Variants in FHOD3 observed in about 807,000 individuals in gnomAD.
FHOD3 encodes the protein formin homology 2 domain containing 3, also known as FH1/FH2 domain-containing protein 3.
In FHOD3, 90 loss-of-function variants were observed where a neutral mutation model predicts 173.0. That is an observed-to-expected ratio of 0.52 (90% CI 0.44 to 0.62). The LOEUF (loss-of-function observed/expected upper bound fraction) is 0.62, where lower values mean the gene tolerates loss of function less well. FHOD3 is among the 20% of genes least tolerant of loss of function. The pLI, the probability that FHOD3 is intolerant of heterozygous loss-of-function variation, is 0.00. For synonymous variants in FHOD3, 828 were observed against 823.0 expected (o/e 1.01, Z -0.10); for missense variants, 1,945 against 2,034.7 (o/e 0.96, Z 0.85).
chr18:36,448,611 G>A (rs1424515601), intron 3 of FHOD3, among the ~76,000 whole-genome samples: 4 of 152,078 alleles, frequency 2.6e-5, no homozygotes, highest in Non-Finnish European at 5.9e-5. Flanking sequence ...TGTGAGGGAG[G>A]GTTTTGTTTG....
intron 5 of FHOD3, among the ~76,000 whole-genome samples, chr18:36,570,182 T>G (rs1387277594): frequency 6.6e-6 from 1 of 152,006 alleles, no homozygotes; most frequent in East Asian, 1.9e-4. Context: ...AGATATGCAT[T>G]GCTAACATTA....
At chr18:36,718,833 T>G in intron 19 of FHOD3, 118 bp downstream of exon 19, 1 of 1,480,946 alleles carries the variant, frequency 6.8e-7, no homozygotes, top group Non-Finnish European at 8.9e-7. Flanking sequence ...TCCATTGGTA[T>G]GAAAATTTGA....
chr18:36,524,472 G>C (rs2056422907), intron 5 of FHOD3, among the ~76,000 whole-genome samples: 2 of 152,144 alleles, frequency 1.3e-5, no homozygotes, highest in Admixed American at 1.3e-4. Context: ...CTGGAAGCCA[G>C]GAGGGCTCAC....
intron 3 of FHOD3, among the ~76,000 whole-genome samples, chr18:36,414,239 G>C (rs2049507143): frequency 6.6e-6 from 1 of 152,190 alleles, no homozygotes; most frequent in African/African-American, 2.4e-5. Flanking sequence ...CGTGACTTTA[G>C]CTGCTCCTCA....
intron 5 of FHOD3, among the ~76,000 whole-genome samples, chr18:36,575,057 G>A (rs1183829208): frequency 1.3e-5 from 2 of 151,026 alleles, no homozygotes; most frequent in East Asian, 1.9e-4. Context: ...TGCCACCTCC[G>A]CCTCCTGGGT....
intron 3 of FHOD3, among the ~76,000 whole-genome samples, chr18:36,391,106 G>T (rs1175417148): frequency 6.6e-6 from 1 of 152,230 alleles, no homozygotes; most frequent in African/African-American, 2.4e-5. Flanking sequence ...TTTTGCTGGA[G>T]CATCTCTTCA....
intron 27 of FHOD3, among the ~76,000 whole-genome samples, chr18:36,764,401 T>C (rs917437537): frequency 1.5e-4 from 23 of 152,134 alleles, no homozygotes; most frequent in Non-Finnish European, 2.4e-4. Context: ...TATGAGCTTG[T>C]CTTTGCCCAG....
At chr18:36,329,575 C>T (rs2044873454) in intron 1 of FHOD3, among the ~76,000 whole-genome samples, 1 of 152,040 alleles carries the variant, frequency 6.6e-6, no homozygotes, top group African/African-American at 2.4e-5. Context: ...CCCTCTCAGT[C>T]TGGGGGCTGC....
chr18:36,489,302 G>A (rs2054344926), intron 3 of FHOD3, among the ~76,000 whole-genome samples: 1 of 152,148 alleles, frequency 6.6e-6, no homozygotes, highest in African/African-American at 2.4e-5. Flanking sequence ...GGGGTGAGTA[G>A]GGCCAGCTGC....
At chr18:36,418,772 G>A (rs1187251679) in intron 3 of FHOD3, among the ~76,000 whole-genome samples, 2 of 152,014 alleles carry the variant, frequency 1.3e-5, no homozygotes, top group Admixed American at 1.3e-4. Context: ...AAAATTAGCT[G>A]GGCATTGTGG....
chr18:36,373,713 T>C (rs913184197), intron 3 of FHOD3, among the ~76,000 whole-genome samples: 10 of 152,248 alleles, frequency 6.6e-5, no homozygotes, highest in Non-Finnish European at 1.2e-4. Flanking sequence ...TTGGTAATCT[T>C]GTTGGAAACA....
chr18:36,438,186 C>T (rs1017183262), intron 3 of FHOD3, among the ~76,000 whole-genome samples: 1 of 152,142 alleles, frequency 6.6e-6, no homozygotes, highest in Non-Finnish European at 1.5e-5. Context: ...TAGTCTCAAG[C>T]TGGCTAGCAT....
intron 5 of FHOD3, among the ~76,000 whole-genome samples, chr18:36,540,588 T>C (rs1287060998): frequency 6.6e-6 from 1 of 152,220 alleles, no homozygotes; most frequent in Non-Finnish European, 1.5e-5. Context: ...CTGACCAGGT[T>C]CTACTTAACT....
At chr18:36,364,091 C>T (rs936497365) in intron 2 of FHOD3, among the ~76,000 whole-genome samples, 91 of 152,252 alleles carry the variant, frequency 6.0e-4, no homozygotes, top group African/African-American at 1.9e-3. Context: ...TTTTGTCTTT[C>T]GTGTTTCATC....
intron 14 of FHOD3, among the ~76,000 whole-genome samples, chr18:36,662,435 A>G (rs963819170): frequency 1.3e-5 from 2 of 152,206 alleles, no homozygotes; most frequent in African/African-American, 2.4e-5. Flanking sequence ...GCTGAAACCC[A>G]AAGGATCATA....
rs774409737 is a variant in FHOD3 at position 36,355,640 on chromosome 18, C to T, written c.267C>T (p.Asp89=). 7 of 1,613,818 alleles carry T rather than the reference C, an allele frequency of 4.3e-6. No homozygotes were observed. The highest frequency in any genetic ancestry group is 1.1e-5 in the South Asian group (1 of 91,062). Residue 89 remains aspartate, a synonymous_variant, in exon 2 of 29, where the codon GAC becomes GAT. Coordinates refer to ENST00000590592, the MANE Select transcript of FHOD3 (RefSeq NM_001281740.3). Reference sequence around the variant, plus strand: ...ATGAGTTGGAAGGCTTCCAGGATGACGCCGGGTAAGAGCAACTGTTCACCC... The same window carrying T: ...ATGAGTTGGAAGGCTTCCAGGATGATGCCGGGTAAGAGCAACTGTTCACCC... The part of the protein sequence containing the change: ...QRDELEGFQD[D]AGRGKKHSII...
intron 1 of FHOD3, among the ~76,000 whole-genome samples, chr18:36,328,699 T>C (rs1395282832): frequency 6.6e-6 from 1 of 152,098 alleles, no homozygotes; most frequent in Admixed American, 6.5e-5. Flanking sequence ...GATTCCTGAA[T>C]ATGTCATGAA....
At chr18:36,557,876 A>G (rs2057949578) in intron 5 of FHOD3, among the ~76,000 whole-genome samples, 1 of 152,176 alleles carries the variant, frequency 6.6e-6, no homozygotes, top group African/African-American at 2.4e-5. Flanking sequence ...TTGATCCTTT[A>G]AGGTATTATT....
chr18:36,364,329 G>A (rs923930959), intron 2 of FHOD3, among the ~76,000 whole-genome samples: 21 of 152,158 alleles, frequency 1.4e-4, no homozygotes, highest in African/African-American at 5.1e-4. Context: ...GGGTCTAGGT[G>A]GCTCCTTCCA....
Sources: allele counts gnomAD v4.1 joint callset (sites outside exome capture counted in the v4.1 genomes callset), GRCh38; gene constraint gnomAD v4.1.1; transcripts MANE v1.5; gene names NCBI Gene and HGNC (gene_info 2026-07-23, HGNC 2026-07-21).